The following SH2D4B variants were observed in gnomAD, a reference collection of about 807,000 sequenced individuals.
SH2D4B encodes the protein SH2 domain containing 4B, also known as SH2 domain-containing protein 4B.
SH2D4B carries 45 observed loss-of-function variants against 61.5 expected under a neutral mutation model. The observed-to-expected ratio is 0.73, with a 90% confidence interval of 0.58 to 0.94. The LOEUF (loss-of-function observed/expected upper bound fraction) is 0.94. Ranked by LOEUF, SH2D4B falls within the 40% of genes least tolerant of loss-of-function variation. The pLI, the probability that SH2D4B is intolerant of heterozygous loss-of-function variation, is 0.00. For missense variants in SH2D4B, 572 were observed against 574.2 expected (o/e 1.00, Z 0.04); for synonymous variants, 224 against 220.4 (o/e 1.02, Z -0.14).
At chr10:80,642,959 T>C (rs1840331597) in intron 7 of SH2D4B, 1 of 152,700 alleles carries the variant, frequency 6.5e-6, no homozygotes, top group Admixed American at 6.5e-5. Flanking sequence ...CTCCATCAGA[T>C]GGGCAGACAA....
chr10:80,610,625 G>C (rs117210248), intron 6 of SH2D4B, among the ~76,000 whole-genome samples: 2 of 152,048 alleles, frequency 1.3e-5, no homozygotes, highest in African/African-American at 4.8e-5. Context: ...CTCACCCAGG[G>C]ACCAAGTACA....
chr10:80,576,066 G>C (rs1842121908), intron 3 of SH2D4B, among the ~76,000 whole-genome samples: 1 of 152,226 alleles, frequency 6.6e-6, no homozygotes, highest in Admixed American at 6.5e-5. Context: ...CCAGATACTG[G>C]AAGAGTGGCT....
chr10:80,622,683 C>A (rs1842728638), intron 6 of SH2D4B, among the ~76,000 whole-genome samples: 1 of 152,166 alleles, frequency 6.6e-6, no homozygotes, highest in Admixed American at 6.5e-5. Flanking sequence ...CAGAACTCTC[C>A]CTATTTTCAG....
intron 6 of SH2D4B, among the ~76,000 whole-genome samples, chr10:80,611,202 A>G (rs1472306492): frequency 6.9e-6 from 1 of 144,248 alleles, no homozygotes; most frequent in Admixed American, 7.1e-5. Flanking sequence ...AAAAAAAAAA[A>G]ACATTGATGA....
intron 6 of SH2D4B, among the ~76,000 whole-genome samples, chr10:80,624,594 G>T (rs944205331): frequency 6.6e-6 from 1 of 152,318 alleles, no homozygotes; most frequent in Admixed American, 6.5e-5. Context: ...CTCAAACCTG[G>T]CTACATGTTA....
chr10:80,604,276 C>T (rs112480280), intron 5 of SH2D4B, among the ~76,000 whole-genome samples: 1 of 152,292 alleles, frequency 6.6e-6, no homozygotes, highest in African/African-American at 2.4e-5. Context: ...TGGTTGGTTG[C>T]AGGCGGGTCC....
rs151299324 is a variant in SH2D4B, at chr10:80,582,376, G to A, written c.496-6254G>A. On this transcript the variant is annotated intron_variant, in intron 3 of 7. Transcript: ENST00000646907. ...CAGTCTTTGTTTATATTAAAAATCC[G>A]AGTCACATAAAATCAGCCTTTTAGC... is the stretch of plus-strand genomic sequence containing the variant. 6.8e-3 allele frequency among the ~76,000 whole-genome samples: 1,041 copies of A among 152,282 alleles called. 1 individual carries two copies. Among genetic ancestry groups the A allele is most frequent in the Non-Finnish European group, 9.0e-3 (612 of 68,020 alleles).
At chr10:80,615,494 C>T (rs556472385) in intron 6 of SH2D4B, among the ~76,000 whole-genome samples, 3 of 152,344 alleles carry the variant, frequency 2.0e-5, no homozygotes, top group African/African-American at 7.2e-5. Context: ...TTCTTTTAGG[C>T]TCGGCCTGGG....
intron 6 of SH2D4B, among the ~76,000 whole-genome samples, chr10:80,627,968 C>T (rs1842782352): frequency 6.6e-6 from 1 of 152,110 alleles, no homozygotes; most frequent in Admixed American, 6.6e-5. Flanking sequence ...AGGCTGCATC[C>T]CTTAGCCAGG....
intron 6 of SH2D4B, among the ~76,000 whole-genome samples, chr10:80,622,419 T>G (rs1842725627): frequency 6.6e-6 from 1 of 152,230 alleles, no homozygotes; most frequent in African/African-American, 2.4e-5. Flanking sequence ...ATTTTTGCAG[T>G]TAAACGAGGG....
chr10:80,543,143 C>T (rs1218004991), intron 1 of SH2D4B, among the ~76,000 whole-genome samples: 3 of 152,206 alleles, frequency 2.0e-5, no homozygotes, highest in African/African-American at 7.2e-5. Context: ...GCCTCCTCTG[C>T]CTGGGCTCCC....
intron 3 of SH2D4B, among the ~76,000 whole-genome samples, chr10:80,572,984 A>ATATG (rs1842078558): frequency 1.2e-4 from 1 of 8,294 alleles, no homozygotes; most frequent in African/African-American, 4.5e-4. Flanking sequence ...ATATATATAT[A>ATATG]TATTTTTTTT....
chr10:80,594,981 A>G (rs1842369765), intron 4 of SH2D4B, among the ~76,000 whole-genome samples: 1 of 152,190 alleles, frequency 6.6e-6, no homozygotes, highest in Non-Finnish European at 1.5e-5. Context: ...CCAGTGACCT[A>G]GCATGTAATC....
At chr10:80,620,484 C>A in intron 6 of SH2D4B, among the ~76,000 whole-genome samples, 1 of 152,180 alleles carries the variant, frequency 6.6e-6, no homozygotes, top group East Asian at 1.9e-4. Context: ...TACCCATTCT[C>A]AGGTAGTCTT....
At chr10:80,586,125 G>A (rs974606850) in intron 3 of SH2D4B, among the ~76,000 whole-genome samples, 1 of 152,146 alleles carries the variant, frequency 6.6e-6, no homozygotes, top group Non-Finnish European at 1.5e-5. Flanking sequence ...GGCAGGGCTC[G>A]GGACCTGCAG....
chr10:80,559,985 CTTT>C (rs144516423), intron 1 of SH2D4B, among the ~76,000 whole-genome samples: 11 of 124,560 alleles, frequency 8.8e-5, no homozygotes, highest in African/African-American at 2.7e-4. Context: ...TAAAATACAC[CTTT>C]TTTTTTTTTT....
intron 1 of SH2D4B, among the ~76,000 whole-genome samples, chr10:80,560,282 C>T (rs986145924): frequency 5.9e-5 from 9 of 151,952 alleles, no homozygotes; most frequent in African/African-American, 9.7e-5. Context: ...CCACCGTGCC[C>T]GGCTGCACCT....
chr10:80,540,962 G>C, intron 1 of SH2D4B: 1 of 1,448,274 alleles, frequency 6.9e-7, no homozygotes, highest in Non-Finnish European at 9.5e-7. Context: ...TTGATGTCCA[G>C]GCTCTTGAAA....
At chr10:80,563,205 C>A (rs895547319) in intron 1 of SH2D4B, among the ~76,000 whole-genome samples, 1 of 152,208 alleles carries the variant, frequency 6.6e-6, no homozygotes, top group South Asian at 2.1e-4. Flanking sequence ...CCGGCCGATG[C>A]TGAACATTTT....
Sources: allele counts gnomAD v4.1 joint callset (sites outside exome capture counted in the v4.1 genomes callset), GRCh38; gene constraint gnomAD v4.1.1; transcripts MANE v1.5; gene names NCBI Gene and HGNC (gene_info 2026-07-23, HGNC 2026-07-21).